Variants in CYB5B observed in about 807,000 individuals in gnomAD.
The protein encoded by CYB5B is cytochrome b5 type B (outer mitochondrial membrane).
Under a neutral mutation model 21.3 loss-of-function variants are expected in CYB5B, and 14 were observed. That is an observed-to-expected ratio of 0.66 (90% CI 0.43 to 1.03). The LOEUF (loss-of-function observed/expected upper bound fraction) is 1.03. Ranked by LOEUF, CYB5B falls within the 50% of genes least tolerant of loss-of-function variation. CYB5B has a pLI of 0.00. For missense variants in CYB5B, 166 were observed against 185.1 expected, an observed-to-expected ratio of 0.90 and a Z score of 0.60; for synonymous variants, 69 against 68.4, an observed-to-expected ratio of 1.01 and a Z score of -0.04.
At position 69,448,152 on chromosome 16, in the gene CYB5B, G is replaced by A; in HGVS notation, c.333+8G>A. 1.2e-6 allele frequency: 2 copies of A among 1,613,136 alleles called. No homozygotes were observed. Among genetic ancestry groups the A allele is most frequent in the South Asian group, 1.1e-5 (1 of 90,810 alleles). ...CCTGAAAGTGGTAGCAAGGTAAGAA[G>A]TCAGCGGTTTGTCTTGTGTTTATAT... On this transcript the variant is annotated splice_region_variant and intron_variant, in intron 3 of 4. Coordinates refer to ENST00000307892, the MANE Select transcript of CYB5B (RefSeq NM_030579.3).
intron 1 of CYB5B, among the ~76,000 whole-genome samples, chr16:69,431,189 A>G (rs1002704513): frequency 1.3e-5 from 2 of 150,850 alleles, no homozygotes; most frequent in East Asian, 4.0e-4. Context: ...GGGTTTCACC[A>G]TGTTAGGTAG....
At chr16:69,448,313 A>C (rs573949144) in intron 3 of CYB5B, 169 bp downstream of exon 3, 1 of 710,456 alleles carries the variant, frequency 1.4e-6, no homozygotes, top group East Asian at 2.7e-5. Flanking sequence ...GGAATAAAAG[A>C]ATAGCTGAGT....
At chr16:69,427,255 C>T (rs2014657118) in intron 1 of CYB5B, among the ~76,000 whole-genome samples, 1 of 151,952 alleles carries the variant, frequency 6.6e-6, no homozygotes, top group Non-Finnish European at 1.5e-5. Context: ...AAAAAAAAAT[C>T]ATGTTTTTCA....
chr16:69,447,191 A>G lies in CYB5B; in HGVS notation c.216A>G (p.Val72=). The change falls in exon 2 of 5, where the codon GTA becomes GTG. Residue 72 remains valine, a synonymous_variant. Transcript: ENST00000307892. ...GEEVLLEQAG[V]DASESFEDVG... is the part of the protein sequence containing the mutation. ...AGGTTCTGCTGGAACAAGCTGGTGT[A>G]GATGCAAGTGAAAGCTTTGAAGATG... 1 of 1,614,198 alleles carries G rather than the reference A, an allele frequency of 6.2e-7. No homozygotes were observed. The highest frequency in any genetic ancestry group is 1.3e-5 in the African/African-American group (1 of 75,066).
Position 69,463,153 on chromosome 16 carries a change from ATTAAAC to A in CYB5B, c.*639_*644del, listed in dbSNP as rs921313724. The stretch of plus-strand genomic sequence containing the variant: ...ATTCCTGAAGTAAAGGTTTGCACCT[ATTAAAC>A]TTAAAACTGCCAAATGATTTTTGTT... On this transcript the variant is annotated 3_prime_UTR_variant, in exon 5 of 5. Transcript: ENST00000307892. The A allele has an allele frequency of 2.0e-5, 3 of 152,312 alleles. No individual in the cohort carries two copies. The highest frequency in any genetic ancestry group is 2.9e-5 in the Non-Finnish European group (2 of 68,034). 9.4% of individuals were successfully genotyped at this position (152,312 alleles called of 1,614,324 possible).
chr16:69,458,063 T>G (rs945953079), intron 3 of CYB5B, among the ~76,000 whole-genome samples: 1 of 152,236 alleles, frequency 6.6e-6, no homozygotes, highest in Non-Finnish European at 1.5e-5. Flanking sequence ...GCAGGCCTTT[T>G]GTACTATACA....
intron 1 of CYB5B, among the ~76,000 whole-genome samples, chr16:69,426,440 C>T (rs1697198): frequency 1.3e-5 from 2 of 150,128 alleles, no homozygotes; most frequent in Non-Finnish European, 3.0e-5. Context: ...GGTGTGGTGG[C>T]TCACGCCTGT....
intron 1 of CYB5B, among the ~76,000 whole-genome samples, chr16:69,432,541 A>G (rs1009597198): frequency 6.6e-6 from 1 of 152,224 alleles, no homozygotes; most frequent in African/African-American, 2.4e-5. Context: ...ACATGTATAT[A>G]CTTATATATA....
chr16:69,436,243 T>C (rs2014759078), intron 1 of CYB5B, among the ~76,000 whole-genome samples: 1 of 152,188 alleles, frequency 6.6e-6, no homozygotes, highest in African/African-American at 2.4e-5. Context: ...CTGTTCCCGA[T>C]GGAGTTTATC....
intron 4 of CYB5B, 76 bp downstream of exon 4, chr16:69,459,197 G>T: frequency 6.6e-7 from 1 of 1,511,744 alleles, no homozygotes; most frequent in Non-Finnish European, 8.9e-7. Context: ...GTATATGTAT[G>T]TAACATAACT....
intron 1 of CYB5B, among the ~76,000 whole-genome samples, chr16:69,442,958 A>AT (rs1296979646): frequency 2.0e-5 from 3 of 148,842 alleles, no homozygotes; most frequent in Admixed American, 6.7e-5. Flanking sequence ...TTTTTTAAAA[A>AT]TTTTTTTTGT....
At chr16:69,460,451 G>A (rs192304154) in intron 4 of CYB5B, among the ~76,000 whole-genome samples, 2 of 152,268 alleles carry the variant, frequency 1.3e-5, no homozygotes, top group Non-Finnish European at 2.9e-5. Context: ...TTCATCATTA[G>A]TGATATGTGA....
At chr16:69,427,672 G>A (rs563293567) in intron 1 of CYB5B, among the ~76,000 whole-genome samples, 4 of 152,094 alleles carry the variant, frequency 2.6e-5, no homozygotes, top group East Asian at 1.9e-4. Context: ...GCACCACGAC[G>A]CCTGGCTAAT....
intron 4 of CYB5B, among the ~76,000 whole-genome samples, chr16:69,461,442 C>T (rs1434306651): frequency 6.6e-6 from 1 of 152,180 alleles, no homozygotes; most frequent in East Asian, 1.9e-4. Context: ...TAGCTTTCTG[C>T]TGTACGTAAG....
chr16:69,428,472 A>G (rs1413950536), intron 1 of CYB5B, among the ~76,000 whole-genome samples: 2 of 152,132 alleles, frequency 1.3e-5, no homozygotes, highest in Admixed American at 6.5e-5. Context: ...CCTGGCCAAC[A>G]TGGTGAAACC....
At position 69,459,092 on chromosome 16, in the gene CYB5B, G is replaced by C; in HGVS notation, c.334-1G>C. 1 of 1,588,386 alleles carries C rather than the reference G, an allele frequency of 6.3e-7. No individual in the cohort carries two copies. Among genetic ancestry groups the C allele is most frequent in the Non-Finnish European group, 8.6e-7 (1 of 1,169,194 alleles). ...TGAATTTTTTTTTTTTTTTATTTCA[G>C]GACCCTTCAAAAAATGATACATGCA... On this transcript the variant is annotated splice_acceptor_variant, in intron 3 of 4. Transcript: ENST00000307892. LOFTEE classifies it high-confidence loss of function.
At chr16:69,458,530 C>T (rs1012035119) in intron 3 of CYB5B, among the ~76,000 whole-genome samples, 1 of 152,040 alleles carries the variant, frequency 6.6e-6, no homozygotes, top group African/African-American at 2.4e-5. Flanking sequence ...TTTTCTTTCC[C>T]TTGACTCCAT....
At chr16:69,451,882 G>T (rs1027817988) in intron 3 of CYB5B, among the ~76,000 whole-genome samples, 4 of 149,732 alleles carry the variant, frequency 2.7e-5, no homozygotes, top group Admixed American at 6.7e-5. Flanking sequence ...GGTGGAGCTT[G>T]CAGTGAGCAG....
At chr16:69,450,537 G>C (rs773001067) in intron 3 of CYB5B, among the ~76,000 whole-genome samples, 6 of 152,136 alleles carry the variant, frequency 3.9e-5, no homozygotes, top group Non-Finnish European at 4.4e-5. Context: ...ACCTACATAG[G>C]TTTTTATAGA....
Sources: allele counts gnomAD v4.1 joint callset (sites outside exome capture counted in the v4.1 genomes callset), GRCh38; gene constraint gnomAD v4.1.1; transcripts MANE v1.5; gene names NCBI Gene and HGNC (gene_info 2026-07-23, HGNC 2026-07-21).